Variants in EXT1 observed in about 807,000 individuals in gnomAD.
EXT1 encodes exostosin-1.
A neutral mutation model predicts 82.5 loss-of-function variants in EXT1; 20 were observed. The ratio of observed to expected loss-of-function variants is 0.24; its 90% CI spans 0.17 to 0.35. The LOEUF (loss-of-function observed/expected upper bound fraction) is 0.35. EXT1 is among the 10% of genes least tolerant of loss of function. EXT1 has a pLI of 1.00. For missense variants in EXT1, 757 were observed against 936.5 expected, an observed-to-expected ratio of 0.81 and a Z score of 2.50; for synonymous variants, 348 against 350.8, an observed-to-expected ratio of 0.99 and a Z score of 0.09.
rs916118962 is a variant in EXT1, at chr8:118,110,804, G to T, written c.243C>A (p.Ser81=). The change falls in exon 1 of 11, where the codon TCC becomes TCA. Residue 81 remains serine, a synonymous_variant. Transcript: ENST00000378204. ...AGTTGGCATCTCGCTTCTGCCGGGG[G>T]GAAATGTGCACGCTGGAATCCTCGT... ...LENEDSSVHI[S]PRQKRDANSS... 1.2e-6 allele frequency: 2 copies of T among 1,613,382 alleles called. No homozygotes were observed. The highest frequency in any genetic ancestry group is 1.7e-6 in the Non-Finnish European group (2 of 1,179,570).
At chr8:118,050,228 T>TG (rs1180288356) in intron 1 of EXT1, among the ~76,000 whole-genome samples, 1 of 152,214 alleles carries the variant, frequency 6.6e-6, no homozygotes, top group African/African-American at 2.4e-5. Flanking sequence ...GGTAAGGCAA[T>TG]GAACCCGAAA....
chr8:117,923,882 A>G (rs768903807), intron 1 of EXT1, among the ~76,000 whole-genome samples: 3 of 152,184 alleles, frequency 2.0e-5, no homozygotes, highest in Non-Finnish European at 4.4e-5. Flanking sequence ...CTCAGTGGGA[A>G]TGAGTTCACC....
chr8:117,957,089 C>T (rs1814602344), intron 1 of EXT1, among the ~76,000 whole-genome samples: 1 of 152,180 alleles, frequency 6.6e-6, no homozygotes, highest in Non-Finnish European at 1.5e-5. Flanking sequence ...GTTCTCTTTG[C>T]TTTGTGTCTT....
chr8:118,044,491 G>A (rs928508933), intron 1 of EXT1, among the ~76,000 whole-genome samples: 4 of 151,602 alleles, frequency 2.6e-5, no homozygotes, highest in Non-Finnish European at 4.4e-5. Flanking sequence ...CATTGCAACC[G>A]CCACCTCCCG....
rs1316804046 is a variant in EXT1 at position 118,110,616 on chromosome 8, T to G, written c.431A>C (p.Tyr144Ser). 1 of 1,614,162 alleles carries G rather than the reference T, an allele frequency of 6.2e-7. No homozygotes were observed. Among genetic ancestry groups the G allele is most frequent in the South Asian group, 1.1e-5 (1 of 91,084 alleles). Reference protein sequence around the residue: ...ILAAIEGSRFYTSDPSQACLF... With the variant: ...ILAAIEGSRFSTSDPSQACLF... ...GCACGCCTGGCTGGGGTCCGAGGTG[T>G]AGAACCTGGAGCCCTCGATGGCCGC... The change falls in exon 1 of 11, where the codon TAC becomes TCC. Residue 144 changes from tyrosine (Y) to serine (S), a missense_variant. Physicochemically the swap from Tyr to Ser is moderately radical, Grantham distance 144. This residue lies in a region of EXT1 where 247 missense variants were observed against 330.1 expected (regional missense o/e 0.75). Transcript: ENST00000378204.
At chr8:117,815,845 G>A (rs1360627408) in intron 7 of EXT1, among the ~76,000 whole-genome samples, 2 of 151,276 alleles carry the variant, frequency 1.3e-5, no homozygotes, top group African/African-American at 2.4e-5. Flanking sequence ...CAGGAGAATC[G>A]CTTGAACCCA....
At chr8:118,088,678 C>G (rs1250953172) in intron 1 of EXT1, among the ~76,000 whole-genome samples, 1 of 115,860 alleles carries the variant, frequency 8.6e-6, no homozygotes, top group African/African-American at 2.6e-5. Flanking sequence ...AAATGTGATG[C>G]CTTCTCTTTT....
In EXT1 at chr8:117,977,153, G is replaced by A. The variant is rs150370417; in HGVS notation, c.962+132932C>T. Among the ~76,000 whole-genome samples, 545 of 152,202 alleles carry A rather than the reference G, an allele frequency of 3.6e-3. 2 individuals carry two copies. The highest frequency in any genetic ancestry group is 0.012 in the African/African-American group (503 of 41,536). On this transcript the variant is annotated intron_variant, in intron 1 of 10. Coordinates refer to ENST00000378204, the MANE Select transcript of EXT1 (RefSeq NM_000127.3). The stretch of plus-strand genomic sequence containing the variant: ...TATAATCCCAGCACTTTGGGAGGCC[G>A]AGGTGGGTGGATCACCTGAGGTCAG...
At chr8:118,022,769 A>G (rs1816132094) in intron 1 of EXT1, among the ~76,000 whole-genome samples, 1 of 152,200 alleles carries the variant, frequency 6.6e-6, no homozygotes, top group Admixed American at 6.5e-5. Flanking sequence ...TCTGGAATGC[A>G]ACGAGACAGG....
intron 1 of EXT1, among the ~76,000 whole-genome samples, chr8:118,094,846 A>T (rs905088633): frequency 1.3e-5 from 2 of 152,108 alleles, no homozygotes; most frequent in Non-Finnish European, 2.9e-5. Flanking sequence ...AAATTGCTCA[A>T]CCTCCCTGGA....
At chr8:118,001,308 T>C (rs1815659638) in intron 1 of EXT1, among the ~76,000 whole-genome samples, 1 of 152,152 alleles carries the variant, frequency 6.6e-6, no homozygotes, top group African/African-American at 2.4e-5. Context: ...TGCCTCAGCC[T>C]CTCATGCAGC....
At chr8:117,837,822 A>C (rs1812211728) in intron 1 of EXT1, among the ~76,000 whole-genome samples, 1 of 151,908 alleles carries the variant, frequency 6.6e-6, no homozygotes, top group Non-Finnish European at 1.5e-5. Context: ...ATGCTAGCCT[A>C]AGAAAGGGAA....
At chr8:117,985,907 T>A (rs942658014) in intron 1 of EXT1, among the ~76,000 whole-genome samples, 1 of 152,222 alleles carries the variant, frequency 6.6e-6, no homozygotes, top group African/African-American at 2.4e-5. Flanking sequence ...GTTATCACTT[T>A]GTTTTCTCCC....
At chr8:117,893,970 C>T (rs570614871) in intron 1 of EXT1, among the ~76,000 whole-genome samples, 4 of 152,270 alleles carry the variant, frequency 2.6e-5, no homozygotes, top group East Asian at 1.9e-4. Context: ...GCCTTCAGCA[C>T]GACTCCTGTT....
intron 1 of EXT1, among the ~76,000 whole-genome samples, chr8:118,007,238 A>G (rs1815797688): frequency 6.6e-6 from 1 of 152,092 alleles, no homozygotes; most frequent in Non-Finnish European, 1.5e-5. Flanking sequence ...CGGAGCTTGC[A>G]GTGAGCTGAG....
At chr8:117,811,927 T>C (rs2129717010) in intron 8 of EXT1, among the ~76,000 whole-genome samples, 1 of 152,322 alleles carries the variant, frequency 6.6e-6, no homozygotes, top group South Asian at 2.1e-4. Flanking sequence ...TCTGTGGAAT[T>C]TCAAGGAGAC....
chr8:118,004,662 G>A (rs1156913711), intron 1 of EXT1, among the ~76,000 whole-genome samples: 1 of 152,142 alleles, frequency 6.6e-6, no homozygotes, highest in Non-Finnish European at 1.5e-5. Flanking sequence ...CACTTCCTGA[G>A]TATTCCAGTC....
intron 1 of EXT1, among the ~76,000 whole-genome samples, chr8:118,077,335 C>G (rs1169450508): frequency 6.6e-6 from 1 of 152,198 alleles, no homozygotes; most frequent in East Asian, 1.9e-4. Context: ...CCAACCTGAT[C>G]AAATTCCCAC....
At chr8:117,894,918 G>C (rs796953357) in intron 1 of EXT1, among the ~76,000 whole-genome samples, 1 of 152,212 alleles carries the variant, frequency 6.6e-6, no homozygotes, top group Non-Finnish European at 1.5e-5. Context: ...AAGTGATAAA[G>C]GAGCTAAAAA....
Sources: allele counts gnomAD v4.1 joint callset (sites outside exome capture counted in the v4.1 genomes callset), GRCh38; gene constraint gnomAD v4.1.1; regional missense constraint gnomAD v4.1.1; transcripts MANE v1.5; gene names NCBI Gene and HGNC (gene_info 2026-07-23, HGNC 2026-07-21).